The following DIDO1 variants were observed in gnomAD, a reference collection of about 807,000 sequenced individuals.
DIDO1 encodes the protein death-inducer obliterator 1.
DIDO1 carries 16 observed loss-of-function variants against 99.4 expected under a neutral mutation model. That is an observed-to-expected ratio of 0.16 (90% CI 0.11 to 0.24). DIDO1 has a LOEUF of 0.24. Ranked by LOEUF, DIDO1 falls within the 10% of genes least tolerant of loss-of-function variation. The pLI is 1.00. For missense variants in DIDO1, 2,996 were observed against 3,014.0 expected, an observed-to-expected ratio of 0.99 and a Z score of 0.14; for synonymous variants, 1,366 against 1,239.1, an observed-to-expected ratio of 1.10 and a Z score of -2.15.
At position 62,879,578 on chromosome 20, in the gene DIDO1, C is replaced by T; in HGVS notation, c.6378G>A (p.Glu2126=). The change falls in exon 16 of 16, where the codon GAG becomes GAA. Residue 2126 remains glutamate (E), a synonymous_variant. Transcript: ENST00000395343. This position sits in a 1 kb window ranked among gnomAD's most constrained non-coding sequence, Gnocchi z 6.3. ...ERERGRNWSR[E]RDWDRPREWD... ...ACTCCCGGGGCCGGTCCCAGTCCCG[C>T]TCTCGGCTCCAGTTTCGGCCGCGCT... is the stretch of plus-strand genomic sequence containing the variant. The T allele has an allele frequency of 6.2e-7, 1 of 1,602,090 alleles. No homozygotes were observed. The highest frequency in any genetic ancestry group is 8.5e-7 in the Non-Finnish European group (1 of 1,179,402).
chr20:62,889,005 G>C (rs2064345881), intron 15 of DIDO1: 5 of 985,366 alleles, frequency 5.1e-6, no homozygotes, highest in Non-Finnish European at 6.0e-6. Flanking sequence ...CTTTATCGTG[G>C]ATCAAAGTCC....
chr20:62,893,629 A>C, intron 12 of DIDO1, 37 bp downstream of exon 12: 1 of 1,516,718 alleles, frequency 6.6e-7, no homozygotes, highest in Non-Finnish European at 8.9e-7. Flanking sequence ...TCTAAAAAAA[A>C]AGTTTGGCTT....
chr20:62,899,166 G>A (rs1370943229), intron 6 of DIDO1, among the ~76,000 whole-genome samples: 6 of 152,178 alleles, frequency 3.9e-5, no homozygotes, highest in Non-Finnish European at 1.5e-5. Context: ...GACACCTGCC[G>A]GGAAGCCAAC....
intron 15 of DIDO1, among the ~76,000 whole-genome samples, chr20:62,885,421 G>A (rs6090152): frequency 6.6e-6 from 1 of 152,092 alleles, no homozygotes; most frequent in East Asian, 1.9e-4. Context: ...GTCCCGTCTC[G>A]TGGTGTGTCA....
chr20:62,919,258 T>C (rs1227434118), intron 1 of DIDO1, among the ~76,000 whole-genome samples: 1 of 152,142 alleles, frequency 6.6e-6, no homozygotes, highest in Non-Finnish European at 1.5e-5. Context: ...ATTACAAAAA[T>C]TATTCTGGGC....
intron 15 of DIDO1, chr20:62,888,795 C>T (rs898203873): frequency 1.8e-5 from 18 of 985,276 alleles, no homozygotes; most frequent in African/African-American, 1.2e-4. Flanking sequence ...TGGCCTGGCC[C>T]GGGGTGAAGG....
chr20:62,920,472 C>T (rs868106557), intron 1 of DIDO1, among the ~76,000 whole-genome samples: 2 of 152,190 alleles, frequency 1.3e-5, no homozygotes, highest in South Asian at 2.1e-4. Context: ...CCGGTGACAG[C>T]GCATCAGATT....
chr20:62,882,607 G>GGAACGCACCGCCCCGC (rs1323111614), intron 15 of DIDO1, among the ~76,000 whole-genome samples, 193 bp from the exon 16 acceptor site: 2 of 152,140 alleles, frequency 1.3e-5, no homozygotes, highest in African/African-American at 4.8e-5. Flanking sequence ...CACCGCCCCG[G>GGAACGCACCGCCCCGC]GAACGAGCTG....
intron 3 of DIDO1, 35 bp from the exon 4 acceptor site, chr20:62,910,055 CG>C: frequency 6.3e-7 from 1 of 1,582,954 alleles, no homozygotes; most frequent in South Asian, 1.1e-5. Flanking sequence ...AGCAATGGGA[CG>C]TGAGTGACAA....
intron 15 of DIDO1, among the ~76,000 whole-genome samples, chr20:62,885,615 T>G (rs965666669): frequency 6.6e-6 from 1 of 152,192 alleles, no homozygotes; most frequent in Non-Finnish European, 1.5e-5. Context: ...CACTGGTGAC[T>G]GAATAAAGAA....
At chr20:62,905,124 T>C in intron 6 of DIDO1, 1 of 1,002,396 alleles carries the variant, frequency 1.0e-6, no homozygotes, top group Non-Finnish European at 1.2e-6. Context: ...AATTTGAAAT[T>C]TGGGGCAGGA....
intron 1 of DIDO1, among the ~76,000 whole-genome samples, chr20:62,922,512 G>A (rs1482497753): frequency 6.6e-6 from 1 of 152,072 alleles, no homozygotes; most frequent in East Asian, 1.9e-4. Flanking sequence ...GGGGTGGGGG[G>A]GTACAGTGTA....
intron 6 of DIDO1, chr20:62,904,930 G>T (rs1278704711): frequency 4.2e-6 from 4 of 942,290 alleles, no homozygotes; most frequent in African/African-American, 1.8e-5. Flanking sequence ...GATCATCTTT[G>T]AATTGAGACT....
Position 62,881,176 on chromosome 20 carries a change from C to A in DIDO1, c.4780G>T (p.Asp1594Tyr). 6.2e-7 allele frequency: 1 copy of A among 1,608,430 alleles called. No homozygotes were observed. ...RGAQGALPER[D>Y]ASRGGLVGQA... ...CCCACGAGGCCACCCCTGGAAGCAT[C>A]TCTCTCGGGCAGGGCACCCTGGGCA... The change falls in exon 16 of 16, where the codon GAT becomes TAT. Residue 1594 changes from aspartate (D) to tyrosine (Y), a missense_variant. Physicochemically the swap from Asp to Tyr is radical, Grantham distance 160 (BLOSUM62 -3). Coordinates refer to ENST00000395343, the MANE Select transcript of DIDO1 (RefSeq NM_001193369.2). The surrounding 1 kb of genome is among the most constrained non-coding windows in gnomAD (Gnocchi z 8.3).
At chr20:62,887,964 T>C (rs1408069760) in intron 15 of DIDO1, 2 of 985,312 alleles carry the variant, frequency 2.0e-6, no homozygotes, top group African/African-American at 3.5e-5. Flanking sequence ...GACAAATCAT[T>C]AAGATATGCA....
chr20:62,881,506 T>C lies in DIDO1; in HGVS notation c.4450A>G (p.Lys1484Glu). The C allele has an allele frequency of 6.2e-7, 1 of 1,611,162 alleles. No individual in the cohort carries two copies. The highest frequency in any genetic ancestry group is 8.5e-7 in the Non-Finnish European group (1 of 1,180,012). ...EQQKMLEELNKQIEEQKRQLE... is the reference protein window; with the variant it reads ...EQQKMLEELNEQIEEQKRQLE... Reference sequence around the variant, plus strand: ...TGTCTCTTCTGCTCCTCGATCTGTTTGTTCAGCTCTTCTAGCATCTTCTGT... The same window carrying C: ...TGTCTCTTCTGCTCCTCGATCTGTTCGTTCAGCTCTTCTAGCATCTTCTGT... Residue 1484 changes from lysine to glutamate, a missense_variant, in exon 16 of 16, where the codon AAA becomes GAA. Physicochemically the swap from Lys to Glu is moderately conservative, Grantham distance 56 (BLOSUM62 1). Coordinates refer to ENST00000395343, the MANE Select transcript of DIDO1 (RefSeq NM_001193369.2). The surrounding 1 kb of genome is among the most constrained non-coding windows in gnomAD (Gnocchi z 8.3).
chr20:62,913,410 G>A (rs2064983849), intron 2 of DIDO1, among the ~76,000 whole-genome samples: 1 of 152,174 alleles, frequency 6.6e-6, no homozygotes, highest in Non-Finnish European at 1.5e-5. Context: ...GGTGACCCCA[G>A]GCAAGTCACA....
chr20:62,905,778 T>C (rs1265519457), intron 6 of DIDO1, 109 bp downstream of exon 6: 2 of 1,610,754 alleles, frequency 1.2e-6, no homozygotes, highest in Non-Finnish European at 1.7e-6. Flanking sequence ...CCGGTGTCTG[T>C]GATCAGCTTA....
In DIDO1 at chr20:62,911,279, C is replaced by T. The variant is rs753553418; in HGVS notation, c.334G>A (p.Glu112Lys). 6 of 1,612,332 alleles carry T rather than the reference C, an allele frequency of 3.7e-6. No individual in the cohort carries two copies. Among genetic ancestry groups the T allele is most frequent in the South Asian group, 2.2e-5 (2 of 91,076 alleles). ...TCAGAAGCGCTTTCCACGCTGCCCT[C>T]GGAGGCTGTCTCGGCGTCTGTGGCG... ...CPATDAETASEGSVESASETR... is the reference protein window; with the variant it reads ...CPATDAETASKGSVESASETR... The change falls in exon 3 of 16, where the codon GAG becomes AAG. Residue 112 changes from glutamate to lysine, a missense_variant. Glu to Lys is a moderately conservative substitution (Grantham distance 56). Around this residue, in one of 5 missense-constraint regions of DIDO1, gnomAD observed 388 missense variants for 376.6 expected, o/e 1.03. Transcript: ENST00000395343. This position sits in a 1 kb window ranked among gnomAD's most constrained non-coding sequence, Gnocchi z 7.0.
Sources: gnomAD v4.1 joint callset for allele counts (sites outside exome capture counted in the v4.1 genomes callset) on GRCh38, gnomAD v4.1.1 for gene constraint, gnomAD v4.1.1 regional missense constraint, Gnocchi (gnomAD v3.1) non-coding constraint, MANE v1.5 for transcripts, NCBI Gene and HGNC (gene_info 2026-07-23, HGNC 2026-07-21) for gene names.